The following KDM4B variants were observed in gnomAD, a reference collection of about 807,000 sequenced individuals.
KDM4B encodes the protein lysine demethylase 4B.
Under a neutral mutation model 125.2 loss-of-function variants are expected in KDM4B, and 32 were observed. The observed-to-expected ratio is 0.26, with a 90% CI of 0.19 to 0.34. The LOEUF (loss-of-function observed/expected upper bound fraction) is 0.34. Among genes scored for constraint, KDM4B ranks in the 10% least tolerant of loss-of-function variants. The pLI, the probability that KDM4B is intolerant of heterozygous loss-of-function variation, is 1.00. For missense variants in KDM4B, 1,190 were observed against 1,577.7 expected (o/e 0.75, Z 4.16); for synonymous variants, 721 against 677.9 (o/e 1.06, Z -0.99).
chr19:4,971,602 G>A lies in KDM4B; in HGVS notation c.-109+2372G>A, dbSNP rs1002648208. Among the ~76,000 whole-genome samples the A allele has an allele frequency of 6.6e-6, 1 of 152,140 alleles. No homozygotes were observed. Among genetic ancestry groups the A allele is most frequent in the African/African-American group, 2.4e-5 (1 of 41,422 alleles). ...CTAGGTTTCCAGTGCCGAGTGCCATGCCGGGACAGGTTGGGAGGAGTCCCT... is the reference window on the plus strand; with the variant it reads ...CTAGGTTTCCAGTGCCGAGTGCCATACCGGGACAGGTTGGGAGGAGTCCCT... On this transcript the variant is annotated intron_variant, in intron 1 of 22. Transcript: ENST00000159111. This position sits in a 1 kb window ranked among gnomAD's most constrained non-coding sequence, Gnocchi z 4.1.
Position 5,150,433 on chromosome 19 carries a change from A to G in KDM4B, c.3097A>G (p.Arg1033Gly), listed in dbSNP as rs532631468. The G allele has an allele frequency of 6.4e-7, 1 of 1,550,696 alleles. No individual in the cohort carries two copies. Among genetic ancestry groups the G allele is most frequent in the Admixed American group, 2.0e-5 (1 of 50,996 alleles). ...IFTLEEELPK[R>G]VRSRLSLSTG... is the part of the protein sequence containing the mutation. ...CACCCTGGAGGAGGAGCTGCCCAAG[A>G]GGGTCCGCTCTCGGCTGGTGAGTGC... Residue 1033 changes from arginine to glycine, a missense_variant, in exon 22 of 23, where the codon AGG becomes GGG. Arg to Gly is a moderately radical substitution (Grantham distance 125). Coordinates refer to ENST00000159111, the MANE Select transcript of KDM4B (RefSeq NM_015015.3).
At chr19:4,979,488 G>A (rs1205536988) in intron 1 of KDM4B, among the ~76,000 whole-genome samples, 2 of 152,354 alleles carry the variant, frequency 1.3e-5, no homozygotes, top group East Asian at 3.9e-4. Context: ...TCAGGGTGAA[G>A]CCCACCTGGC....
chr19:5,142,368 G>A lies in KDM4B; in HGVS notation c.2551-1599G>A, dbSNP rs1199174951. On this transcript the variant is annotated intron_variant, in intron 18 of 22. Transcript: ENST00000159111. This position sits in a 1 kb window ranked among gnomAD's most constrained non-coding sequence, Gnocchi z 5.4. ...ACCTCCTGTGGCCACAGCGCGTGGC[G>A]TGACTGGACCTCGCCTTAGTAGGGG... Among the ~76,000 whole-genome samples, 4 of 152,328 alleles carry A rather than the reference G, an allele frequency of 2.6e-5. No homozygotes were observed. Among genetic ancestry groups the A allele is most frequent in the South Asian group, 2.1e-4 (1 of 4,832 alleles).
chr19:5,131,331 C>G lies in KDM4B; in HGVS notation c.1571C>G (p.Pro524Arg). 1.2e-6 allele frequency: 2 copies of G among 1,612,184 alleles called. No homozygotes were observed. The highest frequency in any genetic ancestry group is 1.7e-6 in the Non-Finnish European group (2 of 1,179,866). The part of the protein sequence containing the change: ...PSEELEAKPR[P>R]IIPMLYVVPR... ...GAGGAGCTAGAGGCCAAGCCTCGGCCCATCATCCCCATGCTGTACGTGGTG... is the reference window on the plus strand; with the variant it reads ...GAGGAGCTAGAGGCCAAGCCTCGGCGCATCATCCCCATGCTGTACGTGGTG... Residue 524 changes from proline (P) to arginine (R), a missense_variant, in exon 12 of 23, where the codon CCC becomes CGC. Pro to Arg is a moderately radical substitution (Grantham distance 103). This residue lies in a region of KDM4B where 428 missense variants were observed against 405.1 expected (regional missense o/e 1.06). Transcript: ENST00000159111.
Position 5,082,305 on chromosome 19 carries a change from C to A in KDM4B, c.781-62C>A. ...CCTGGCACTTGCTGGGAAGTGCCCA[C>A]GTCCCATCCCCTGGTGCGCCTCTGG... On this transcript the variant is annotated intron_variant, in intron 8 of 22. Transcript: ENST00000159111. The surrounding 1 kb of genome is among the most constrained non-coding windows in gnomAD (Gnocchi z 5.4). 6.2e-7 allele frequency: 1 copy of A among 1,601,972 alleles called. No homozygotes were observed.
intron 10 of KDM4B, among the ~76,000 whole-genome samples, chr19:5,117,168 G>A (rs1006265234): frequency 1.3e-5 from 2 of 152,214 alleles, no homozygotes; most frequent in African/African-American, 4.8e-5. Flanking sequence ...TGGGCTGCAA[G>A]GATGAGGCCC....
intron 3 of KDM4B, among the ~76,000 whole-genome samples, chr19:5,036,316 A>G (rs537686857): frequency 2.6e-4 from 39 of 152,338 alleles, no homozygotes; most frequent in African/African-American, 9.1e-4. Flanking sequence ...TGCAGGCCCG[A>G]TGGAGCTCGG....
chr19:4,991,405 G>A (rs1452093996), intron 1 of KDM4B, among the ~76,000 whole-genome samples: 2 of 152,168 alleles, frequency 1.3e-5, no homozygotes, highest in Admixed American at 6.5e-5. Context: ...CTTGAGTCCA[G>A]TAGTTCGAGA....
rs772312786 is a variant in KDM4B, at chr19:5,144,889, G to A, written c.3008G>A (p.Ser1003Asn). 6.2e-7 allele frequency: 1 copy of A among 1,613,084 alleles called. No individual in the cohort carries two copies. Among genetic ancestry groups the A allele is most frequent in the Non-Finnish European group, 8.5e-7 (1 of 1,179,670 alleles). ...YKAKFISSVT[S>N]HIYQVEFEDG... ...GCCAAGTTCATCTCCTCCGTCACCA[G>A]CCACATCTACCAGGTAAGCGGGGGA... The change falls in exon 21 of 23, where the codon AGC becomes AAC. Residue 1003 changes from serine (S) to asparagine (N), a missense_variant. Around this residue, in one of 7 missense-constraint regions of KDM4B, gnomAD observed 298 missense variants for 439.7 expected, o/e 0.68. Coordinates refer to ENST00000159111, the MANE Select transcript of KDM4B (RefSeq NM_015015.3).
At chr19:5,086,396 G>T (rs1421993870) in intron 9 of KDM4B, among the ~76,000 whole-genome samples, 1 of 152,192 alleles carries the variant, frequency 6.6e-6, no homozygotes, top group Non-Finnish European at 1.5e-5. Context: ...AGGGTTGTGG[G>T]AGGAGGGCAA....
chr19:5,133,859 T>C (rs1421488185), intron 13 of KDM4B, 24 bp from the exon 14 acceptor site: 2 of 1,609,648 alleles, frequency 1.2e-6, no homozygotes, highest in Admixed American at 3.4e-5. Flanking sequence ...AGTGTCTCTC[T>C]CCCTCTCCCC....
rs572782035 is a variant in KDM4B at position 5,048,397 on chromosome 19, G to A, written c.626+728G>A. 2.1e-3 allele frequency among the ~76,000 whole-genome samples: 327 copies of A among 152,332 alleles called. 1 individual carries two copies. The highest frequency in any genetic ancestry group is 7.5e-3 in the African/African-American group (311 of 41,574). ...GTCACCGGGCTCTGCTTGTGACTGCGGAACCTGCTGGGTGCTCCGCGGGGC... is the reference window on the plus strand; with the variant it reads ...GTCACCGGGCTCTGCTTGTGACTGCAGAACCTGCTGGGTGCTCCGCGGGGC... On this transcript the variant is annotated intron_variant, in intron 6 of 22. Transcript: ENST00000159111.
intron 9 of KDM4B, among the ~76,000 whole-genome samples, chr19:5,106,332 CCTTA>C (rs914554283): frequency 6.6e-6 from 1 of 152,210 alleles, no homozygotes; most frequent in African/African-American, 2.4e-5. Flanking sequence ...TTCCTTCCTT[CCTTA>C]GGCGAGATCG....
chr19:5,096,345 A>G (rs1038049104), intron 9 of KDM4B, among the ~76,000 whole-genome samples: 2 of 152,136 alleles, frequency 1.3e-5, no homozygotes, highest in Admixed American at 1.3e-4. Flanking sequence ...TTGGCCTCCC[A>G]GAGTACTGGG....
intron 6 of KDM4B, among the ~76,000 whole-genome samples, chr19:5,066,690 G>A (rs1157295819): frequency 1.3e-5 from 2 of 152,238 alleles, no homozygotes; most frequent in African/African-American, 4.8e-5. Context: ...CACGGAGCTT[G>A]TGGAGCCTTC....
intron 1 of KDM4B, among the ~76,000 whole-genome samples, chr19:5,006,286 C>G (rs1259550620): frequency 6.6e-6 from 1 of 152,126 alleles, no homozygotes; most frequent in Non-Finnish European, 1.5e-5. Flanking sequence ...CCCCCATCCC[C>G]TGGGCTTGTG....
At chr19:5,019,761 TG>T in intron 2 of KDM4B, among the ~76,000 whole-genome samples, 1 of 142,666 alleles carries the variant, frequency 7.0e-6, no homozygotes. Context: ...GTGCAGGTAT[TG>T]GTGTGGACAG....
chr19:5,146,939 CAAAA>C lies in KDM4B; in HGVS notation c.3021+2057_3021+2060del, dbSNP rs1182135277. Among the ~76,000 whole-genome samples the C allele has an allele frequency of 1.3e-4, 8 of 60,556 alleles. No individual in the cohort carries two copies. In the South Asian group the frequency reaches 5.4e-3, roughly 41 times the overall value. The allele number at this position is 60,556 out of a possible 152,430, so 39.7% of individuals were successfully genotyped here. On this transcript the variant is annotated intron_variant, in intron 21 of 22. Transcript: ENST00000159111. Reference sequence around the variant, plus strand: ...TTGGGTGACACTGAGACCCTGTCTCCAAAAAAAAAAAAAAAAAAAAAAACAAAAA... The same window carrying C: ...TTGGGTGACACTGAGACCCTGTCTCCAAAAAAAAAAAAAAAAAAACAAAAA...
intron 5 of KDM4B, among the ~76,000 whole-genome samples, chr19:5,041,689 G>A (rs1047305324): frequency 1.3e-5 from 2 of 152,240 alleles, no homozygotes; most frequent in Admixed American, 6.5e-5. Flanking sequence ...CTCCCATCCC[G>A]AGCCTGGTCT....
Sources: gnomAD v4.1 joint callset for allele counts (sites outside exome capture counted in the v4.1 genomes callset) on GRCh38, gnomAD v4.1.1 for gene constraint, gnomAD v4.1.1 regional missense constraint, Gnocchi (gnomAD v3.1) non-coding constraint, MANE v1.5 for transcripts, NCBI Gene and HGNC (gene_info 2026-07-23, HGNC 2026-07-21) for gene names.